The following LGMN variants were observed in gnomAD, a reference collection of about 807,000 sequenced individuals.
LGMN encodes asparaginyl endopeptidase.
In LGMN, 36 loss-of-function variants were observed where a neutral mutation model predicts 56.8. That is an observed-to-expected ratio of 0.63 (90% CI 0.49 to 0.84). LGMN has a LOEUF of 0.84. Among genes scored for constraint, LGMN ranks in the 40% least tolerant of loss-of-function variants. LGMN has a pLI of 0.00. For synonymous variants in LGMN, 199 were observed against 210.1 expected, an observed-to-expected ratio of 0.95 and a Z score of 0.46; for missense variants, 446 against 556.1, an observed-to-expected ratio of 0.80 and a Z score of 1.99.
chr14:92,728,340 G>A (rs977115259), intron 2 of LGMN, among the ~76,000 whole-genome samples: 5 of 152,166 alleles, frequency 3.3e-5, no homozygotes, highest in Non-Finnish European at 5.9e-5. Context: ...AATTGGCATC[G>A]GTGACCTGAC....
chr14:92,704,515 C>A, intron 13 of LGMN, 125 bp downstream of exon 13: 5 of 1,074,354 alleles, frequency 4.7e-6, no homozygotes, highest in Non-Finnish European at 7.2e-6. Flanking sequence ...TGACAAATGG[C>A]TGTAGAGGAA....
chr14:92,709,616 C>T (rs887861400), intron 11 of LGMN, 56 bp downstream of exon 11: 65 of 1,456,800 alleles, frequency 4.5e-5, no homozygotes, highest in Non-Finnish European at 5.8e-5. Context: ...CTCATGCATG[C>T]TGCCCACCTG....
In LGMN at chr14:92,717,426, T is replaced by C. The variant is rs143487234; in HGVS notation, c.272A>G (p.Asn91Ser). 47 of 1,613,542 alleles carry C rather than the reference T, an allele frequency of 2.9e-5. No individual in the cohort carries two copies. In the African/African-American group the frequency reaches 4.7e-4, roughly 16 times the overall value. Residue 91 changes from asparagine (N) to serine (S), a missense_variant, in exon 4 of 14, where the codon AAT becomes AGT. Coordinates refer to ENST00000334869, the MANE Select transcript of LGMN (RefSeq NM_005606.7). ...PTPGIVINRP[N>S]GTDVYQGVPK... ...GACTCCCTGATAGACATCTGTGCCA[T>C]TGGGCCTGTTGATCACAATTCCTGG... is the stretch of plus-strand genomic sequence containing the variant.
rs1566924442 is a variant in LGMN, at chr14:92,719,284, GCCGCCGCCGCCGCCGCCACCGCCGCCA to G, written c.139-467_139-441del. On this transcript the variant is annotated intron_variant, in intron 2 of 13. Coordinates refer to ENST00000334869, the MANE Select transcript of LGMN (RefSeq NM_005606.7). The stretch of plus-strand genomic sequence containing the variant: ...CGCCACCGCCGCCGCCGCCACCGCC[GCCGCCGCCGCCGCCGCCACCGCCGCCA>G]CCGCCGCCGCCGCCACCGCCACCGC... Among the ~76,000 whole-genome samples the G allele has an allele frequency of 1.3e-3, 34 of 26,774 alleles. 2 individuals carry two copies. Among genetic ancestry groups the G allele is most frequent in the African/African-American group, 4.4e-3 (19 of 4,292 alleles). The allele number at this position is 26,774 out of a possible 152,430, so 17.6% of individuals were successfully genotyped here.
chr14:92,709,758 G>C lies in LGMN; in HGVS notation c.934C>G (p.Leu312Val), dbSNP rs760723600. ...LDLTPSPDVP[L>V]TIMKRKLMNT... ...ATCAGTTTCCTTTTCATGATGGTGAGAGGCACATCAGGGCTGGGGGTGAGG... is the reference window on the plus strand; with the variant it reads ...ATCAGTTTCCTTTTCATGATGGTGACAGGCACATCAGGGCTGGGGGTGAGG... The change falls in exon 11 of 14, where the codon CTC becomes GTC. Residue 312 changes from leucine (L) to valine (V), a missense_variant. Leu to Val is a conservative substitution (Grantham distance 32, BLOSUM62 1). Coordinates refer to ENST00000334869, the MANE Select transcript of LGMN (RefSeq NM_005606.7). The C allele has an allele frequency of 1.5e-5, 24 of 1,614,024 alleles. No individual in the cohort carries two copies. The Admixed American group carries it at 3.7e-4, about 25-fold the overall frequency.
intron 1 of LGMN, chr14:92,741,573 A>G (rs1891556478): frequency 6.6e-6 from 1 of 152,186 alleles, no homozygotes; most frequent in South Asian, 2.1e-4. Context: ...CCTGAAGGCC[A>G]GGCACGGGGG....
In LGMN at chr14:92,706,571, G is replaced by C; in HGVS notation, c.1103C>G (p.Ser368Cys). ...GTGCCCCGTGAGCGGGGCTCTCTCGGACAGGAGCTGCTCCACCTCAGCCTC... is the reference window on the plus strand; with the variant it reads ...GTGCCCCGTGAGCGGGGCTCTCTCGCACAGGAGCTGCTCCACCTCAGCCTC... Reference protein sequence around the residue: ...ASEAEVEQLLSERAPLTGHSC... With the variant: ...ASEAEVEQLLCERAPLTGHSC... The change falls in exon 12 of 14, where the codon TCC becomes TGC. Residue 368 changes from serine (S) to cysteine (C), a missense_variant. Transcript: ENST00000334869. The C allele has an allele frequency of 1.9e-6, 3 of 1,605,568 alleles. No homozygotes were observed. The highest frequency in any genetic ancestry group is 1.7e-6 in the Non-Finnish European group (2 of 1,173,074).
intron 7 of LGMN, among the ~76,000 whole-genome samples, chr14:92,713,525 G>A (rs890620512): frequency 3.3e-5 from 5 of 152,202 alleles, no homozygotes; most frequent in African/African-American, 4.8e-5. Flanking sequence ...AGTGTGGGCC[G>A]AAGACCAGCA....
chr14:92,715,214 G>T lies in LGMN; in HGVS notation c.405-763C>A, dbSNP rs200385667. Among the ~76,000 whole-genome samples the T allele has an allele frequency of 6.4e-4, 96 of 149,036 alleles. 1 individual carries two copies. Among genetic ancestry groups the T allele is most frequent in the African/African-American group, 1.7e-3 (67 of 40,520 alleles). ...GGGATTCACACTGTTGGTCAGGGTG[G>T]GTGTGTGTGTGTGTGTGTGTTTGAG... On this transcript the variant is annotated intron_variant, in intron 5 of 13. Coordinates refer to ENST00000334869, the MANE Select transcript of LGMN (RefSeq NM_005606.7).
At chr14:92,725,839 T>A (rs1263911554) in intron 2 of LGMN, among the ~76,000 whole-genome samples, 1 of 152,076 alleles carries the variant, frequency 6.6e-6, no homozygotes, top group African/African-American at 2.4e-5. Flanking sequence ...TCTCCCAAAG[T>A]GATGAAATTA....
chr14:92,711,594 T>C, intron 10 of LGMN, 65 bp downstream of exon 10: 1 of 1,374,434 alleles, frequency 7.3e-7, no homozygotes, highest in South Asian at 1.2e-5. Flanking sequence ...AAGAGATCAA[T>C]ATTCCAGGCA....
intron 12 of LGMN, 138 bp from the exon 13 acceptor site, chr14:92,704,845 T>C: frequency 1.4e-6 from 1 of 697,718 alleles, no homozygotes; most frequent in East Asian, 2.6e-5. Context: ...TCCCAACCTT[T>C]AGATAATCTG....
chr14:92,729,470 C>A (rs533551161), intron 2 of LGMN, among the ~76,000 whole-genome samples: 4 of 62,710 alleles, frequency 6.4e-5, no homozygotes, highest in Non-Finnish European at 1.4e-4. Context: ...AGATCACGCC[C>A]CCCCCCCCCG....
chr14:92,726,533 A>T (rs112878950), intron 2 of LGMN, among the ~76,000 whole-genome samples: 1 of 152,266 alleles, frequency 6.6e-6, no homozygotes, highest in African/African-American at 2.4e-5. Flanking sequence ...CCAGGAGCAC[A>T]CAGAGTGAGG....
In LGMN at chr14:92,714,314, T is replaced by G; in HGVS notation, c.480+62A>C. 1 of 1,190,082 alleles carries G rather than the reference T, an allele frequency of 8.4e-7. No individual in the cohort carries two copies. The highest frequency in any genetic ancestry group is 2.3e-5 in the East Asian group (1 of 42,838). The allele number at this position is 1,190,082 out of a possible 1,614,324, so 73.7% of individuals were successfully genotyped here. On this transcript the variant is annotated intron_variant, in intron 6 of 13. Coordinates refer to ENST00000334869, the MANE Select transcript of LGMN (RefSeq NM_005606.7). This position sits in a 1 kb window ranked among gnomAD's most constrained non-coding sequence, Gnocchi z 5.1. ...GAAAATACACGCTATGGGTTTAATC[T>G]CGACACCTAGGCTTGCTTTTCTGTT...
rs761281395 is a variant in LGMN, at chr14:92,706,486, G to T, written c.1188C>A (p.Pro396=). The T allele has an allele frequency of 2.6e-6, 4 of 1,545,536 alleles. No homozygotes were observed. Among genetic ancestry groups the T allele is most frequent in the Admixed American group, 3.7e-5 (2 of 54,784 alleles). The change falls in exon 12 of 14, where the codon CCC becomes CCA. Residue 396 remains proline (P), a synonymous_variant. Transcript: ENST00000334869. The stretch of plus-strand genomic sequence containing the variant: ...TGGGGAGAGCCTGCTGGCTCACCGT[G>T]GGGGAGTGCCAGTTGAAGCAGTGGG... ...FRTHCFNWHS[P]TYEYALRHLY...
At chr14:92,732,608 G>T (rs760990049) in intron 2 of LGMN, 41 bp downstream of exon 2, 5 of 1,601,210 alleles carry the variant, frequency 3.1e-6, no homozygotes, top group Non-Finnish European at 3.4e-6. Flanking sequence ...TTTTCAGAAT[G>T]CCAGTGTCCT....
At position 92,711,584 on chromosome 14, in the gene LGMN, A is replaced by G. The variant is rs567238810; in HGVS notation, c.819+75T>C. 42 of 1,309,694 alleles carry G rather than the reference A, an allele frequency of 3.2e-5. No homozygotes were observed. The African/African-American group carries it at 5.8e-4, about 18-fold the overall frequency. The allele number at this position is 1,309,694 out of a possible 1,614,324, so 81.1% of individuals were successfully genotyped here. ...CACTCAGATCCCATGTCTCTTTAGC[A>G]AGAGATCAATATTCCAGGCAAGTCC... is the stretch of plus-strand genomic sequence containing the variant. On this transcript the variant is annotated intron_variant, in intron 10 of 13. Coordinates refer to ENST00000334869, the MANE Select transcript of LGMN (RefSeq NM_005606.7).
chr14:92,712,397 A>G (rs1889829054), intron 8 of LGMN, among the ~76,000 whole-genome samples: 1 of 152,226 alleles, frequency 6.6e-6, no homozygotes, highest in Non-Finnish European at 1.5e-5. Flanking sequence ...GACAAATGCT[A>G]GTGTTTAAAA....
Sources: gnomAD v4.1 joint callset for allele counts (sites outside exome capture counted in the v4.1 genomes callset) on GRCh38, gnomAD v4.1.1 for gene constraint, Gnocchi (gnomAD v3.1) non-coding constraint, MANE v1.5 for transcripts, NCBI Gene and HGNC (gene_info 2026-07-23, HGNC 2026-07-21) for gene names.